HSD17B4: variants seen among roughly 807,000 people sequenced by gnomAD.
HSD17B4 encodes peroxisomal multifunctional enzyme type 2.
In HSD17B4, 70 loss-of-function variants were observed where a neutral mutation model predicts 101.0. The observed-to-expected ratio is 0.69, with a 90% CI of 0.57 to 0.85. The LOEUF (loss-of-function observed/expected upper bound fraction) is 0.85, where lower values mean the gene tolerates loss of function less well. HSD17B4 is among the 40% of genes least tolerant of loss of function. HSD17B4 has a pLI of 0.00. For missense variants in HSD17B4, 984 were observed against 892.4 expected, an observed-to-expected ratio of 1.10 and a Z score of -1.31; for synonymous variants, 347 against 297.1, an observed-to-expected ratio of 1.17 and a Z score of -1.73.
chr5:119,524,287 T>C (rs1174872018), intron 17 of HSD17B4, among the ~76,000 whole-genome samples: 1 of 152,126 alleles, frequency 6.6e-6, no homozygotes, highest in Non-Finnish European at 1.5e-5. Context: ...TGCTTTCTTA[T>C]GAATTATAGA....
At chr5:119,457,364 A>G (rs1487649698) in intron 2 of HSD17B4, among the ~76,000 whole-genome samples, 1 of 152,252 alleles carries the variant, frequency 6.6e-6, no homozygotes, top group African/African-American at 2.4e-5. Context: ...ACATATAACA[A>G]AAGAGTAAGC....
chr5:119,536,595 T>C, intron 23 of HSD17B4, 45 bp downstream of exon 23: 1 of 1,597,554 alleles, frequency 6.3e-7, no homozygotes, highest in Non-Finnish European at 8.6e-7. Flanking sequence ...TATTGTTTCC[T>C]CTTTTGACAA....
intron 23 of HSD17B4, among the ~76,000 whole-genome samples, chr5:119,539,672 A>AT (rs1443094746): frequency 3.3e-5 from 5 of 152,090 alleles, no homozygotes; most frequent in Non-Finnish European, 5.9e-5. Flanking sequence ...AAAGAAAAAA[A>AT]TTTTTCCCAG....
chr5:119,537,973 G>A (rs1048041742), intron 23 of HSD17B4, among the ~76,000 whole-genome samples: 1 of 152,106 alleles, frequency 6.6e-6, no homozygotes, highest in African/African-American at 2.4e-5. Context: ...GTATCAGAAT[G>A]AGTCATCAGA....
At chr5:119,523,981 G>A (rs1462819658) in intron 17 of HSD17B4, among the ~76,000 whole-genome samples, 1 of 152,066 alleles carries the variant, frequency 6.6e-6, no homozygotes, top group Non-Finnish European at 1.5e-5. Flanking sequence ...CACAATTTCA[G>A]GCCCTGAAAT....
chr5:119,505,504 A>T (rs896888264), intron 14 of HSD17B4, among the ~76,000 whole-genome samples: 4 of 152,046 alleles, frequency 2.6e-5, no homozygotes, highest in African/African-American at 9.7e-5. Context: ...TTTTTGTGCT[A>T]TTGTAAATGA....
intron 11 of HSD17B4, among the ~76,000 whole-genome samples, chr5:119,495,039 GT>G (rs34680033): frequency 0.028 from 4,095 of 148,538 alleles, 175 homozygotes; most frequent in African/African-American, 0.092. Flanking sequence ...TGACTATTCG[GT>G]TTTTTTTTTC....
intron 22 of HSD17B4, among the ~76,000 whole-genome samples, chr5:119,533,749 G>C (rs1754309603): frequency 6.6e-6 from 1 of 152,024 alleles, no homozygotes; most frequent in Non-Finnish European, 1.5e-5. Flanking sequence ...TGAGGAATTA[G>C]TAGTTGGAAC....
intron 14 of HSD17B4, among the ~76,000 whole-genome samples, chr5:119,502,490 G>T (rs1402979774): frequency 6.7e-6 from 1 of 149,422 alleles, no homozygotes; most frequent in African/African-American, 2.5e-5. Context: ...AGAATTTCTT[G>T]TAATTCATTT....
chr5:119,510,400 A>G (rs909733025), intron 16 of HSD17B4, among the ~76,000 whole-genome samples: 1 of 152,204 alleles, frequency 6.6e-6, no homozygotes, highest in African/African-American at 2.4e-5. Context: ...TATTTTTCCT[A>G]AAAATATTTA....
intron 22 of HSD17B4, 126 bp downstream of exon 22, chr5:119,531,530 C>A (rs192802207): frequency 3.4e-5 from 30 of 887,900 alleles, no homozygotes; most frequent in Non-Finnish European, 5.3e-5. Context: ...TTTTTCTTTT[C>A]CCGTGGGAAT....
chr5:119,479,729 T>C (rs2126706080), intron 8 of HSD17B4, among the ~76,000 whole-genome samples: 1 of 152,280 alleles, frequency 6.6e-6, no homozygotes, highest in East Asian at 1.9e-4. Context: ...AATTTGTTTA[T>C]TCATACACCT....
intron 16 of HSD17B4, 119 bp downstream of exon 16, chr5:119,509,363 T>C: frequency 1.3e-6 from 1 of 759,948 alleles, no homozygotes; most frequent in South Asian, 1.4e-5. Flanking sequence ...AATTTTCTTA[T>C]ACATCTGCCA....
intron 7 of HSD17B4, 80 bp from the exon 8 acceptor site, chr5:119,478,754 G>A (rs1324745378): frequency 2.6e-6 from 3 of 1,161,414 alleles, no homozygotes; most frequent in South Asian, 2.5e-5. Context: ...GATAGGTGCA[G>A]TAGTACCAAA....
At chr5:119,477,267 G>A (rs556002262) in intron 6 of HSD17B4, 150 bp from the exon 7 acceptor site, 5 of 619,206 alleles carry the variant, frequency 8.1e-6, no homozygotes, top group African/African-American at 5.5e-5. Context: ...TGGAATAAAG[G>A]CAAAATACTC....
At chr5:119,466,726 C>A (rs1755848832) in intron 2 of HSD17B4, among the ~76,000 whole-genome samples, 1 of 151,486 alleles carries the variant, frequency 6.6e-6, no homozygotes, top group East Asian at 1.9e-4. Flanking sequence ...TTTATCTTTT[C>A]AAAAAACCAA....
chr5:119,529,840 A>C, intron 20 of HSD17B4, 54 bp from the exon 21 acceptor site: 1 of 1,046,308 alleles, frequency 9.6e-7, no homozygotes, highest in Admixed American at 1.7e-5. Flanking sequence ...TCACAGTGAA[A>C]TTACACTTCC....
Position 119,533,960 on chromosome 5 carries a change from G to A in HSD17B4, c.1994-2463G>A, listed in dbSNP as rs181955224. 7.7e-3 allele frequency among the ~76,000 whole-genome samples: 1,165 copies of A among 151,950 alleles called. 19 individuals are homozygous for A. The highest frequency in any genetic ancestry group is 0.046 in the South Asian group (221 of 4,792). ...GCAATTTGTCAGTATTTTAGGCAAA[G>A]ACAATCCTATACTTTCAAATAGAAA... On this transcript the variant is annotated intron_variant, in intron 22 of 23. Coordinates refer to ENST00000510025, the MANE Select transcript of HSD17B4 (RefSeq NM_000414.4).
Position 119,514,233 on chromosome 5 carries a change from T to C in HSD17B4, c.1438-748T>C, listed in dbSNP as rs1006294657. Among the ~76,000 whole-genome samples, 49 of 151,500 alleles carry C rather than the reference T, an allele frequency of 3.2e-4. 1 individual carries two copies. Among genetic ancestry groups the C allele is most frequent in the Admixed American group, 7.9e-4 (12 of 15,194 alleles). ...TTTTTATGTTTTGGGTGTGGCGGGG[T>C]TTGTGAGGATAAGTTTGGGAATATA... On this transcript the variant is annotated intron_variant, in intron 16 of 23. Transcript: ENST00000510025.
Sources: allele counts gnomAD v4.1 joint callset (sites outside exome capture counted in the v4.1 genomes callset), GRCh38; gene constraint gnomAD v4.1.1; transcripts MANE v1.5; gene names NCBI Gene and HGNC (gene_info 2026-07-23, HGNC 2026-07-21).